Variants in EGFR observed in about 807,000 individuals in gnomAD.
EGFR encodes epidermal growth factor receptor.
A neutral mutation model predicts 143.0 loss-of-function variants in EGFR; 58 were observed. The observed-to-expected ratio is 0.41, with a 90% CI of 0.33 to 0.50. The LOEUF (loss-of-function observed/expected upper bound fraction) is 0.50. Ranked by LOEUF, EGFR falls within the 20% of genes least tolerant of loss-of-function variation. The probability of loss-of-function intolerance (pLI) is 0.39; values close to 1 mark genes in which losing one functional copy is unlikely to be tolerated. For synonymous variants in EGFR, 613 were observed against 594.4 expected, an observed-to-expected ratio of 1.03 and a Z score of -0.45; for missense variants, 1,307 against 1,579.0, an observed-to-expected ratio of 0.83 and a Z score of 2.92.
At chr7:55,053,545 C>G (rs576389531) in intron 1 of EGFR, among the ~76,000 whole-genome samples, 24 of 152,330 alleles carry the variant, frequency 1.6e-4, no homozygotes, top group Non-Finnish European at 2.8e-4. Flanking sequence ...GTTCTACTCC[C>G]AGAGTTCCTC....
intron 1 of EGFR, among the ~76,000 whole-genome samples, chr7:55,101,110 C>T (rs59471072): frequency 0.043 from 6,574 of 152,276 alleles, 452 homozygotes; most frequent in African/African-American, 0.14. Context: ...CTTCTGACAA[C>T]CTCTGCAAGG....
At chr7:55,093,475 G>A (rs1791253794) in intron 1 of EGFR, among the ~76,000 whole-genome samples, 1 of 152,056 alleles carries the variant, frequency 6.6e-6, no homozygotes, top group African/African-American at 2.4e-5. Context: ...GCGAATTCAT[G>A]CCCTCCCTCC....
At chr7:55,154,340 G>C (rs572797976) in intron 7 of EGFR, among the ~76,000 whole-genome samples, 188 bp downstream of exon 7, 5 of 152,224 alleles carry the variant, frequency 3.3e-5, no homozygotes, top group Non-Finnish European at 5.9e-5. Flanking sequence ...ACCGAGGAGC[G>C]GGCAGGTGGT....
chr7:55,107,242 T>C (rs1792190397), intron 1 of EGFR, among the ~76,000 whole-genome samples: 1 of 152,234 alleles, frequency 6.6e-6, no homozygotes. Flanking sequence ...CCAGTTTTTT[T>C]CTTCCTGATA....
intron 1 of EGFR, among the ~76,000 whole-genome samples, chr7:55,090,010 C>T (rs1791013553): frequency 6.6e-6 from 1 of 151,342 alleles, no homozygotes; most frequent in Non-Finnish European, 1.5e-5. Context: ...ACTCTGTTGC[C>T]CAGGCTGGAG....
chr7:55,129,560 G>A (rs1793717455), intron 1 of EGFR, among the ~76,000 whole-genome samples: 1 of 152,176 alleles, frequency 6.6e-6, no homozygotes, highest in Admixed American at 6.5e-5. Context: ...GGAAGGCAGG[G>A]GCCCTGGGTG....
chr7:55,109,719 T>A (rs1012021314), intron 1 of EGFR: 2 of 985,224 alleles, frequency 2.0e-6, no homozygotes, highest in African/African-American at 3.5e-5. Context: ...ACAGGACAAA[T>A]TCTATCATTC....
At chr7:55,069,955 G>C in intron 1 of EGFR, among the ~76,000 whole-genome samples, 1 of 152,190 alleles carries the variant, frequency 6.6e-6, no homozygotes, top group Non-Finnish European at 1.5e-5. Context: ...TCTACTTTCA[G>C]AAAAGCCTTC....
intron 24 of EGFR, 125 bp downstream of exon 24, chr7:55,200,538 C>T (rs905684195): frequency 9.3e-6 from 9 of 968,152 alleles, no homozygotes; most frequent in East Asian, 5.1e-5. Context: ...AACCCTCCAG[C>T]GCATTAGAGC....
At chr7:55,141,305 A>T (rs1794444611) in intron 1 of EGFR, among the ~76,000 whole-genome samples, 1 of 152,200 alleles carries the variant, frequency 6.6e-6, no homozygotes, top group Non-Finnish European at 1.5e-5. Flanking sequence ...TAGTTCTGTA[A>T]ATACAACTTT....
chr7:55,174,654 A>G (rs896266279), intron 18 of EGFR, 68 bp from the exon 19 acceptor site: 1 of 1,326,528 alleles, frequency 7.5e-7, no homozygotes, highest in African/African-American at 1.4e-5. Flanking sequence ...ATCCACCCAG[A>G]TCACTGGGCA....
intron 1 of EGFR, among the ~76,000 whole-genome samples, chr7:55,068,577 C>T (rs533678364): frequency 6.6e-6 from 1 of 152,266 alleles, no homozygotes; most frequent in South Asian, 2.1e-4. Flanking sequence ...CGGGGGGCTC[C>T]GTGAGGATCT....
At chr7:55,164,015 G>A (rs1420496752) in intron 14 of EGFR, among the ~76,000 whole-genome samples, 192 bp downstream of exon 14, 2 of 152,338 alleles carry the variant, frequency 1.3e-5, no homozygotes, top group African/African-American at 2.4e-5. Flanking sequence ...ATTAGCCTGC[G>A]ATGAACATTC....
At chr7:55,029,100 A>G (rs955243578) in intron 1 of EGFR, among the ~76,000 whole-genome samples, 3 of 152,212 alleles carry the variant, frequency 2.0e-5, no homozygotes, top group Non-Finnish European at 4.4e-5. Context: ...CAGGGGTTGC[A>G]GTGAGCTGAG....
intron 15 of EGFR, chr7:55,170,246 G>C: frequency 6.2e-7 from 1 of 1,613,062 alleles, no homozygotes. Flanking sequence ...AGATTATAGT[G>C]TTACACCAGG....
Position 55,173,980 on chromosome 7 carries a change from G to A in EGFR, c.2121G>A (p.Leu707=), listed in dbSNP as rs1786476304. 3 of 1,614,234 alleles carry A rather than the reference G, an allele frequency of 1.9e-6. No individual in the cohort carries two copies. The highest frequency in any genetic ancestry group is 1.3e-5 in the African/African-American group (1 of 75,064). The stretch of plus-strand genomic sequence containing the variant: ...CCAACCAAGCTCTCTTGAGGATCTT[G>A]AAGGAAACTGAATTCAAAAAGATCA... ...EAPNQALLRI[L]KETEFKKIKV... The change falls in exon 18 of 28, where the codon TTG becomes TTA. Residue 707 remains leucine, a synonymous_variant. Transcript: ENST00000275493.
rs1584180408 is a variant in EGFR, at chr7:55,156,613, A to C, written c.1087A>C (p.Thr363Pro). 1.2e-6 allele frequency: 2 copies of C among 1,613,960 alleles called. No individual in the cohort carries two copies. Residue 363 changes from threonine (T) to proline (P), a missense_variant, in exon 9 of 28, where the codon ACC becomes CCC. Physicochemically the swap from Thr to Pro is conservative, Grantham distance 38 (BLOSUM62 -1). Transcript: ENST00000275493. ...GAATATTAAACACTTCAAAAACTGC[A>C]CCTCCATCAGTGGCGATCTCCACAT... ...ATNIKHFKNC[T>P]SISGDLHILP...
intron 1 of EGFR, among the ~76,000 whole-genome samples, chr7:55,076,939 G>A (rs1790164583): frequency 6.6e-6 from 1 of 151,790 alleles, no homozygotes; most frequent in South Asian, 2.1e-4. Context: ...AGCAGCCAAA[G>A]ACCTAAGCCA....
intron 1 of EGFR, among the ~76,000 whole-genome samples, chr7:55,049,175 C>T (rs1170397401): frequency 6.6e-6 from 1 of 152,112 alleles, no homozygotes; most frequent in East Asian, 1.9e-4. Context: ...TGTATTGCAT[C>T]CAAATTATAA....
Sources: allele counts gnomAD v4.1 joint callset (sites outside exome capture counted in the v4.1 genomes callset), GRCh38; gene constraint gnomAD v4.1.1; transcripts MANE v1.5; gene names NCBI Gene and HGNC (gene_info 2026-07-23, HGNC 2026-07-21).